BNIP1: variants seen among roughly 807,000 people sequenced by gnomAD.
The protein encoded by BNIP1 is BCL2 interacting protein 1.
A neutral mutation model predicts 28.5 loss-of-function variants in BNIP1; 25 were observed. The ratio of observed to expected loss-of-function variants is 0.88; its 90% CI spans 0.64 to 1.23. The LOEUF is 1.23. BNIP1 is among the 50% of genes most tolerant of loss of function. The probability of loss-of-function intolerance (pLI) is 0.00; values close to 1 mark genes in which losing one functional copy is unlikely to be tolerated. For synonymous variants in BNIP1, 118 were observed against 101.7 expected (o/e 1.16, Z -0.96); for missense variants, 276 against 277.0 (o/e 1.00, Z 0.02).
At chr5:173,148,082 AAATATATATATATATATATATATAT>A (rs1759905395) in intron 2 of BNIP1, among the ~76,000 whole-genome samples, 1 of 45,954 alleles carries the variant, frequency 2.2e-5, no homozygotes, top group Non-Finnish European at 3.7e-5. Flanking sequence ...AAAAAAAAAA[AAATATATATATATATATATATATAT>A]ATATATATAT....
At chr5:173,144,851 C>G (rs1236668833) in intron 1 of BNIP1, 6 of 539,452 alleles carry the variant, frequency 1.1e-5, no homozygotes, top group Non-Finnish European at 2.0e-5. Context: ...ATCCCCAGAG[C>G]ACCCCACTGT....
At chr5:173,157,606 G>A (rs1026109451) in intron 3 of BNIP1, among the ~76,000 whole-genome samples, 3 of 152,038 alleles carry the variant, frequency 2.0e-5, no homozygotes, top group African/African-American at 7.2e-5. Flanking sequence ...GTAGAGACAG[G>A]GTTTTAACAT....
chr5:173,160,434 A>G (rs1263571281), intron 5 of BNIP1, among the ~76,000 whole-genome samples: 4 of 151,980 alleles, frequency 2.6e-5, no homozygotes, highest in African/African-American at 9.7e-5. Flanking sequence ...GGGTTTCTCC[A>G]TGTTGGTCAG....
chr5:173,157,591 T>G (rs1760237430), intron 3 of BNIP1, among the ~76,000 whole-genome samples: 1 of 152,092 alleles, frequency 6.6e-6, no homozygotes, highest in African/African-American at 2.4e-5. Flanking sequence ...ATTTTTGTAT[T>G]TTTAGTAGAG....
chr5:173,158,915 C>A, intron 4 of BNIP1, 70 bp downstream of exon 4: 1 of 1,161,800 alleles, frequency 8.6e-7, no homozygotes, highest in South Asian at 1.7e-5. Flanking sequence ...AGGAAACCCC[C>A]TCTTGTTTTC....
chr5:173,156,654 T>C (rs1760197239), intron 3 of BNIP1, among the ~76,000 whole-genome samples: 1 of 149,852 alleles, frequency 6.7e-6, no homozygotes, highest in Non-Finnish European at 1.5e-5. Flanking sequence ...TCTTTTGTTT[T>C]TTTTTTTTTT....
At chr5:173,160,346 T>G (rs1220944928) in intron 5 of BNIP1, among the ~76,000 whole-genome samples, 1 of 152,128 alleles carries the variant, frequency 6.6e-6, no homozygotes, top group East Asian at 1.9e-4. Context: ...GCGATTCTCC[T>G]GCCTTAGCCT....
chr5:173,147,828 T>C (rs1367003972), intron 2 of BNIP1, among the ~76,000 whole-genome samples: 1 of 151,760 alleles, frequency 6.6e-6, no homozygotes, highest in Non-Finnish European at 1.5e-5. Flanking sequence ...TTCTGTTGCT[T>C]TCATTTTTAA....
intron 3 of BNIP1, among the ~76,000 whole-genome samples, chr5:173,154,676 T>G (rs1760128533): frequency 6.6e-6 from 1 of 152,002 alleles, no homozygotes; most frequent in Non-Finnish European, 1.5e-5. Flanking sequence ...GCGCCCACCA[T>G]CACGCCTGGC....
intron 5 of BNIP1, chr5:173,160,773 G>A (rs1183563719): frequency 2.2e-6 from 1 of 455,666 alleles, no homozygotes; most frequent in African/African-American, 2.0e-5. Flanking sequence ...TGGTAGGACT[G>A]CTAGGACCTC....
At chr5:173,159,228 G>A (rs1760292609) in intron 4 of BNIP1, among the ~76,000 whole-genome samples, 2 of 151,970 alleles carry the variant, frequency 1.3e-5, no homozygotes, top group South Asian at 2.1e-4. Flanking sequence ...TAGTAGAGAC[G>A]GGGTTTAACC....
chr5:173,158,246 CT>C (rs1760261063), intron 3 of BNIP1, among the ~76,000 whole-genome samples: 1 of 152,090 alleles, frequency 6.6e-6, no homozygotes, highest in Non-Finnish European at 1.5e-5. Flanking sequence ...TTTTTATTTC[CT>C]ACAAAGTATA....
chr5:173,152,132 G>A (rs1443566591), intron 2 of BNIP1, among the ~76,000 whole-genome samples: 4 of 152,154 alleles, frequency 2.6e-5, no homozygotes, highest in African/African-American at 7.2e-5. Flanking sequence ...GCTCTCCCCC[G>A]CCATTCCTTT....
intron 3 of BNIP1, among the ~76,000 whole-genome samples, chr5:173,155,457 T>G (rs1222681894): frequency 6.6e-6 from 1 of 152,168 alleles, no homozygotes; most frequent in East Asian, 1.9e-4. Flanking sequence ...TCCCAGCGCT[T>G]TGGGAGGCCG....
At position 173,161,070 on chromosome 5, in the gene BNIP1, C is replaced by T. The variant is rs1178773931; in HGVS notation, c.490+1019C>T. On this transcript the variant is annotated intron_variant, in intron 5 of 5. Transcript: ENST00000351486. ...TCCCCTGAGCCCTGAGTCCATTACC[C>T]CAGCCAGTCTCGTTTCAGTTCTACC... 4.9e-5 allele frequency: 15 copies of T among 304,316 alleles called. No individual in the cohort carries two copies. In the Admixed American group the frequency reaches 5.5e-4, roughly 11 times the overall value. 18.9% of individuals were successfully genotyped at this position (304,316 alleles called of 1,614,324 possible).
At chr5:173,161,639 C>A (rs1760364665) in intron 5 of BNIP1, 1 of 152,152 alleles carries the variant, frequency 6.6e-6, no homozygotes, top group Non-Finnish European at 1.5e-5. Flanking sequence ...CTCACAAATT[C>A]AGCTTGATTT....
intron 2 of BNIP1, among the ~76,000 whole-genome samples, chr5:173,153,415 G>C (rs1311515482): frequency 1.3e-5 from 2 of 152,034 alleles, no homozygotes; most frequent in East Asian, 1.9e-4. Context: ...TTTCAGTTGA[G>C]ATGGGGTTTC....
chr5:173,145,977 G>A (rs1226005703), intron 1 of BNIP1, among the ~76,000 whole-genome samples: 2 of 152,086 alleles, frequency 1.3e-5, no homozygotes, highest in African/African-American at 4.8e-5. Flanking sequence ...AAAACTTCTG[G>A]GCCAATTATA....
chr5:173,160,979 T>G (rs1760344339), intron 5 of BNIP1: 1 of 392,284 alleles, frequency 2.5e-6, no homozygotes. Context: ...AAAAGGGCGT[T>G]TACTCCTTGA....
Sources: gnomAD v4.1 joint callset for allele counts (sites outside exome capture counted in the v4.1 genomes callset) on GRCh38, gnomAD v4.1.1 for gene constraint, MANE v1.5 for transcripts, NCBI Gene and HGNC (gene_info 2026-07-23, HGNC 2026-07-21) for gene names.